PSD3: variants seen among roughly 807,000 people sequenced by gnomAD.
PSD3 encodes PH and SEC7 domain-containing protein 3.
PSD3 carries 49 observed loss-of-function variants against 105.5 expected under a neutral mutation model. The observed-to-expected ratio is 0.46, with a 90% CI of 0.37 to 0.59. PSD3 has a LOEUF of 0.59. Among genes scored for constraint, PSD3 ranks in the 20% least tolerant of loss-of-function variants. The probability of loss-of-function intolerance (pLI) is 0.00; values close to 1 mark genes in which losing one functional copy is unlikely to be tolerated. For synonymous variants in PSD3, 557 were observed against 457.8 expected, an observed-to-expected ratio of 1.22 and a Z score of -2.77; for missense variants, 1,561 against 1,263.8, an observed-to-expected ratio of 1.24 and a Z score of -3.57.
intron 8 of PSD3, among the ~76,000 whole-genome samples, chr8:18,790,327 G>A (rs185580284): frequency 2.1e-5 from 3 of 140,290 alleles, no homozygotes; most frequent in East Asian, 2.0e-4. Flanking sequence ...TTTTTGAGAC[G>A]GAGTCTTGCT....
At chr8:18,985,211 G>A (rs540640502) in intron 1 of PSD3, among the ~76,000 whole-genome samples, 1 of 152,292 alleles carries the variant, frequency 6.6e-6, no homozygotes, top group Non-Finnish European at 1.5e-5. Context: ...TGGGATTACA[G>A]GCGTGAGTCA....
chr8:18,836,127 G>A (rs879679265), intron 4 of PSD3, among the ~76,000 whole-genome samples: 7 of 152,146 alleles, frequency 4.6e-5, no homozygotes, highest in Admixed American at 2.0e-4. Context: ...GAGACCTAGC[G>A]AAATCACCTG....
At chr8:18,882,487 G>C (rs572776642) in intron 2 of PSD3, among the ~76,000 whole-genome samples, 1 of 152,102 alleles carries the variant, frequency 6.6e-6, no homozygotes, top group Non-Finnish European at 1.5e-5. Flanking sequence ...TGTCATCAAG[G>C]AGCTTACAAT....
chr8:19,006,787 T>C (rs1826702821), intron 1 of PSD3, among the ~76,000 whole-genome samples: 2 of 152,116 alleles, frequency 1.3e-5, no homozygotes, highest in South Asian at 4.2e-4. Flanking sequence ...ACATTTTTCC[T>C]GTCAATTTCA....
intron 12 of PSD3, among the ~76,000 whole-genome samples, chr8:18,592,443 C>G (rs1803680513): frequency 6.6e-6 from 1 of 152,050 alleles, no homozygotes; most frequent in Non-Finnish European, 1.5e-5. Context: ...AAAGAGGGCA[C>G]AAAGCTTATT....
intron 1 of PSD3, among the ~76,000 whole-genome samples, chr8:19,008,835 G>A (rs1056114062): frequency 1.3e-5 from 2 of 152,048 alleles, no homozygotes; most frequent in Non-Finnish European, 2.9e-5. Context: ...GAATGCCCTC[G>A]GCTCATTCCC....
chr8:18,578,711 T>C (rs887840691), intron 12 of PSD3, among the ~76,000 whole-genome samples: 22 of 149,900 alleles, frequency 1.5e-4, no homozygotes, highest in African/African-American at 4.9e-4. Flanking sequence ...AAGGATGACA[T>C]TCTTATGCTA....
chr8:18,904,901 A>G (rs1362697449), intron 2 of PSD3, among the ~76,000 whole-genome samples: 3 of 152,234 alleles, frequency 2.0e-5, no homozygotes, highest in African/African-American at 7.2e-5. Flanking sequence ...TAGTTTGCCA[A>G]TCTTTCCTTT....
At chr8:19,002,441 G>T in intron 1 of PSD3, among the ~76,000 whole-genome samples, 1 of 152,054 alleles carries the variant, frequency 6.6e-6, no homozygotes, top group Admixed American at 6.6e-5. Context: ...TAAGGAACAA[G>T]CATATATCAA....
chr8:18,635,501 T>G (rs1179487287), intron 10 of PSD3, among the ~76,000 whole-genome samples: 1 of 152,140 alleles, frequency 6.6e-6, no homozygotes, highest in African/African-American at 2.4e-5. Context: ...ACTATGCTTT[T>G]CAGTGTTAGA....
chr8:18,762,696 A>G (rs1454944233), intron 9 of PSD3, among the ~76,000 whole-genome samples: 1 of 152,238 alleles, frequency 6.6e-6, no homozygotes, highest in Non-Finnish European at 1.5e-5. Flanking sequence ...TTAAACTAAA[A>G]AAAGGGCTCA....
intron 2 of PSD3, among the ~76,000 whole-genome samples, chr8:18,906,420 T>C (rs1005401955): frequency 2.6e-4 from 39 of 152,126 alleles, no homozygotes; most frequent in African/African-American, 8.9e-4. Flanking sequence ...ATCATAAACA[T>C]TGGAAATGGG....
chr8:18,926,264 T>C lies in PSD3; in HGVS notation c.130+9770A>G, dbSNP rs908313175. ...GTGGCTGAGATAGTGACCTCTGCAT[T>C]CTGATGATTCAGCATACATGAACTT... On this transcript the variant is annotated intron_variant, in intron 2 of 15. Transcript: ENST00000327040. Among the ~76,000 whole-genome samples, 16 of 152,112 alleles carry C rather than the reference T, an allele frequency of 1.1e-4. No individual in the cohort carries two copies. The East Asian group carries it at 2.3e-3, about 22-fold the overall frequency.
At chr8:18,990,327 C>T (rs146633628) in intron 1 of PSD3, among the ~76,000 whole-genome samples, 6 of 152,236 alleles carry the variant, frequency 3.9e-5, no homozygotes, top group Non-Finnish European at 5.9e-5. Flanking sequence ...TCTTTGCAAT[C>T]CCATGCCTTC....
intron 2 of PSD3, among the ~76,000 whole-genome samples, chr8:18,905,503 T>C (rs1426432140): frequency 6.6e-6 from 1 of 152,124 alleles, no homozygotes; most frequent in African/African-American, 2.4e-5. Flanking sequence ...TTTGTATTTT[T>C]AATAGACGGG....
intron 12 of PSD3, among the ~76,000 whole-genome samples, chr8:18,578,760 T>C (rs1802619335): frequency 6.6e-6 from 1 of 151,940 alleles, no homozygotes; most frequent in African/African-American, 2.4e-5. Flanking sequence ...TAATGCTACA[T>C]TTATTACAGA....
At chr8:18,556,127 C>A in intron 15 of PSD3, 82 bp downstream of exon 15, 2 of 1,494,112 alleles carry the variant, frequency 1.3e-6, no homozygotes, top group Admixed American at 2.0e-5. Context: ...CTCAGTGACA[C>A]TGCAAAGAAA....
At position 18,532,334 on chromosome 8, in the gene PSD3, T is replaced by C. The variant is rs576413292; in HGVS notation, c.*3409A>G. 9.2e-5 allele frequency: 14 copies of C among 152,332 alleles called. No individual in the cohort carries two copies. Among genetic ancestry groups the C allele is most frequent in the African/African-American group, 3.4e-4 (14 of 41,582 alleles). 9.4% of individuals were successfully genotyped at this position (152,332 alleles called of 1,614,324 possible). A position where few individuals can be genotyped will look rare whatever the true frequency, so the allele number is the denominator to read the frequency against. On this transcript the variant is annotated 3_prime_UTR_variant, in exon 16 of 16. Transcript: ENST00000327040. ...CCACAGGGTGAAATACAAACCTATC[T>C]TAGCCTTGGAAAGCCACCCAGATTT...
intron 1 of PSD3, among the ~76,000 whole-genome samples, chr8:18,945,049 G>A (rs1031165451): frequency 6.6e-6 from 1 of 151,234 alleles, no homozygotes; most frequent in African/African-American, 2.4e-5. Flanking sequence ...TTATAGGTCA[G>A]CTAGGGAATT....
Sources: allele counts gnomAD v4.1 joint callset (sites outside exome capture counted in the v4.1 genomes callset), GRCh38; gene constraint gnomAD v4.1.1; transcripts MANE v1.5; gene names NCBI Gene and HGNC (gene_info 2026-07-23, HGNC 2026-07-21).